DNAJC8: variants seen among roughly 807,000 people sequenced by gnomAD.
DNAJC8 encodes the protein DnaJ heat shock protein family (Hsp40) member C8.
In DNAJC8, 24 loss-of-function variants were observed where a neutral mutation model predicts 43.2. The ratio of observed to expected loss-of-function variants is 0.56; its 90% CI spans 0.40 to 0.78. The LOEUF is 0.78. Ranked by LOEUF, DNAJC8 falls within the 30% of genes least tolerant of loss-of-function variation. The probability of loss-of-function intolerance (pLI) is 0.00; values close to 1 mark genes in which losing one functional copy is unlikely to be tolerated. For missense variants in DNAJC8, 207 were observed against 299.4 expected (o/e 0.69, Z 2.28); for synonymous variants, 83 against 98.0 (o/e 0.85, Z 0.90).
intron 2 of DNAJC8, among the ~76,000 whole-genome samples, chr1:28,227,104 CTTTTTTTTTTT>C (rs375175168): frequency 2.6e-4 from 25 of 95,142 alleles, no homozygotes; most frequent in African/African-American, 8.6e-4. Context: ...CTCTCTCTCT[CTTTTTTTTTTT>C]TTTTTTTTTT....
At chr1:28,227,926 G>A (rs1364017063) in intron 2 of DNAJC8, among the ~76,000 whole-genome samples, 1 of 152,156 alleles carries the variant, frequency 6.6e-6, no homozygotes, top group African/African-American at 2.4e-5. Context: ...ACCAGGAAAA[G>A]TTTAAAGCTA....
chr1:28,218,112 T>TTTTG (rs1646872566), intron 2 of DNAJC8, among the ~76,000 whole-genome samples: 1 of 142,662 alleles, frequency 7.0e-6, no homozygotes, highest in African/African-American at 2.5e-5. Context: ...TTTTTTTTTT[T>TTTTG]GAGATGGAGT....
In DNAJC8 at chr1:28,212,113, A is replaced by G. The variant is rs1300717807; in HGVS notation, c.238-1476T>C. Among the ~76,000 whole-genome samples, 37 of 144,890 alleles carry G rather than the reference A, an allele frequency of 2.6e-4. 1 individual carries two copies. The highest frequency in any genetic ancestry group is 3.0e-5 in the Non-Finnish European group (2 of 66,632). ...GGAGGCTGCCGTGAGCCAAGATCGC[A>G]ACACTGTACTGCAACCTGGGTGACA... is the stretch of plus-strand genomic sequence containing the variant. On this transcript the variant is annotated intron_variant, in intron 3 of 8. Transcript: ENST00000263697.
chr1:28,226,029 T>A lies in DNAJC8; in HGVS notation c.180+2893A>T, dbSNP rs1572070393. Among the ~76,000 whole-genome samples, 3 of 151,132 alleles carry A rather than the reference T, an allele frequency of 2.0e-5. No individual in the cohort carries two copies. The East Asian group carries it at 5.8e-4, about 29-fold the overall frequency. ...AAAATGGCAAATTTTATGTTATATA[T>A]ATTTTTCCACAATAAAAAAAAGTGA... On this transcript the variant is annotated intron_variant, in intron 2 of 8. Transcript: ENST00000263697.
At chr1:28,218,314 C>T (rs534629488) in intron 2 of DNAJC8, among the ~76,000 whole-genome samples, 10 of 151,888 alleles carry the variant, frequency 6.6e-5, no homozygotes, top group East Asian at 5.8e-4. Context: ...AGGCTGGTCT[C>T]GAACTCCCGA....
chr1:28,201,963 C>T (rs976381541), intron 8 of DNAJC8, among the ~76,000 whole-genome samples: 6 of 144,172 alleles, frequency 4.2e-5, no homozygotes, highest in African/African-American at 1.3e-4. Flanking sequence ...GTGGCGCATG[C>T]CTGTTAATCC....
intron 5 of DNAJC8, among the ~76,000 whole-genome samples, chr1:28,209,194 G>A (rs563366438): frequency 3.3e-5 from 5 of 152,100 alleles, no homozygotes; most frequent in Non-Finnish European, 5.9e-5. Context: ...CACATGACCC[G>A]CAGGATATAG....
In DNAJC8 at chr1:28,228,934, C is replaced by T. The variant is rs1646955638; in HGVS notation, c.168G>A (p.Leu56=). ...LTRPGSSYFN[L]NPFEVLQIDP... ...TCAATCGGCTCACCTCAAATGGGTTCAAATTGAAGTAAGAGGAACCAGGAC... is the reference window on the plus strand; with the variant it reads ...TCAATCGGCTCACCTCAAATGGGTTTAAATTGAAGTAAGAGGAACCAGGAC... Residue 56 remains leucine (L), a synonymous_variant, in exon 2 of 9, where the codon TTG becomes TTA. Coordinates refer to ENST00000263697, the MANE Select transcript of DNAJC8 (RefSeq NM_014280.3). The T allele has an allele frequency of 6.2e-7, 1 of 1,612,478 alleles. No individual in the cohort carries two copies. The highest frequency in any genetic ancestry group is 8.5e-7 in the Non-Finnish European group (1 of 1,179,880).
chr1:28,222,280 G>A (rs1049591161), intron 2 of DNAJC8, among the ~76,000 whole-genome samples: 5 of 151,890 alleles, frequency 3.3e-5, no homozygotes, highest in South Asian at 2.1e-4. Context: ...GAGGTCAGGC[G>A]TTCGAGACCA....
Position 28,232,944 on chromosome 1 carries a change from C to T in DNAJC8, c.55G>A (p.Ala19Thr), listed in dbSNP as rs1392672790. 1 of 1,613,398 alleles carries T rather than the reference C, an allele frequency of 6.2e-7. No homozygotes were observed. The highest frequency in any genetic ancestry group is 1.3e-5 in the African/African-American group (1 of 75,050). Residue 19 changes from alanine to threonine, a missense_variant, in exon 1 of 9, where the codon GCA (alanine) becomes ACA (threonine). Coordinates refer to ENST00000263697, the MANE Select transcript of DNAJC8 (RefSeq NM_014280.3). ...ACCTCACTGTAGAAGGTCATAAATG[C>T]TTCCTCGGTGCTGCCTCCGCCGCCT... ...TSGGGGSTEE[A>T]FMTFYSEVKQ...
At chr1:28,218,473 G>A (rs991698413) in intron 2 of DNAJC8, among the ~76,000 whole-genome samples, 13 of 151,764 alleles carry the variant, frequency 8.6e-5, no homozygotes, top group African/African-American at 1.2e-4. Flanking sequence ...CTGGAGTGCA[G>A]TGGCATAATC....
intron 8 of DNAJC8, among the ~76,000 whole-genome samples, chr1:28,202,193 C>T (rs901432110): frequency 6.6e-6 from 1 of 152,172 alleles, no homozygotes; most frequent in African/African-American, 2.4e-5. Flanking sequence ...AAGAGGAGGA[C>T]GAAATCAGTA....
chr1:28,229,985 C>G (rs1646962895), intron 1 of DNAJC8: 1 of 152,046 alleles, frequency 6.6e-6, no homozygotes, highest in East Asian at 1.9e-4. Context: ...GAGTAGCTGT[C>G]ACCTGTAATC....
At chr1:28,226,155 A>G (rs1172322835) in intron 2 of DNAJC8, among the ~76,000 whole-genome samples, 2 of 151,328 alleles carry the variant, frequency 1.3e-5, no homozygotes, top group Non-Finnish European at 3.0e-5. Context: ...ACAATTAGAA[A>G]GTAGTTTAGG....
At chr1:28,208,442 C>T (rs1250886840) in intron 5 of DNAJC8, 29 bp from the exon 6 acceptor site, 4 of 1,537,816 alleles carry the variant, frequency 2.6e-6, no homozygotes, top group South Asian at 1.1e-5. Context: ...CATCAAAAGA[C>T]GAGCATCTGT....
At position 28,232,933 on chromosome 1, in the gene DNAJC8, G is replaced by A; in HGVS notation, c.66C>T (p.Thr22=). ...GGGSTEEAFM[T]FYSEVKQIEK... ...ACTCTGTGTTCACCTCACTGTAGAAGGTCATAAATGCTTCCTCGGTGCTGC... is the reference window on the plus strand; with the variant it reads ...ACTCTGTGTTCACCTCACTGTAGAAAGTCATAAATGCTTCCTCGGTGCTGC... Residue 22 remains threonine, a synonymous_variant, in exon 1 of 9, where the codon ACC becomes ACT. Coordinates refer to ENST00000263697, the MANE Select transcript of DNAJC8 (RefSeq NM_014280.3). The A allele has an allele frequency of 6.2e-7, 1 of 1,613,224 alleles. No individual in the cohort carries two copies. Among genetic ancestry groups the A allele is most frequent in the Non-Finnish European group, 8.5e-7 (1 of 1,180,006 alleles).
At chr1:28,210,365 T>A in intron 4 of DNAJC8, 1 of 570,868 alleles carries the variant, frequency 1.8e-6, no homozygotes. Context: ...TTTGTTGGCA[T>A]ATAAAAGTTT....
intron 5 of DNAJC8, 88 bp downstream of exon 5, chr1:28,209,884 G>T: frequency 2.6e-6 from 3 of 1,147,318 alleles, no homozygotes; most frequent in Non-Finnish European, 3.9e-6. Context: ...GTGCCAGTAG[G>T]CATTACTATG....
chr1:28,205,145 A>T, intron 7 of DNAJC8, 113 bp downstream of exon 7: 1 of 753,426 alleles, frequency 1.3e-6, no homozygotes, highest in East Asian at 2.9e-5. Context: ...AACTATTTTT[A>T]TAGTCTCTTA....
Sources: gnomAD v4.1 joint callset for allele counts (sites outside exome capture counted in the v4.1 genomes callset) on GRCh38, gnomAD v4.1.1 for gene constraint, MANE v1.5 for transcripts, NCBI Gene and HGNC (gene_info 2026-07-23, HGNC 2026-07-21) for gene names.